Variants in NEGR1 observed in about 807,000 individuals in gnomAD.
The protein encoded by NEGR1 is IgLON family member 4.
NEGR1 carries 10 observed loss-of-function variants against 40.9 expected under a neutral mutation model. That is an observed-to-expected ratio of 0.24 (90% CI 0.15 to 0.42). The LOEUF (loss-of-function observed/expected upper bound fraction) is 0.42. Among genes scored for constraint, NEGR1 ranks in the 10% least tolerant of loss-of-function variants. The probability of loss-of-function intolerance (pLI) is 1.00; values close to 1 mark genes in which losing one functional copy is unlikely to be tolerated. For synonymous variants in NEGR1, 185 were observed against 166.8 expected (o/e 1.11, Z -0.84); for missense variants, 352 against 438.9 (o/e 0.80, Z 1.77).
At chr1:71,581,464 T>A (rs1030064167) in intron 6 of NEGR1, among the ~76,000 whole-genome samples, 3 of 152,120 alleles carry the variant, frequency 2.0e-5, no homozygotes, top group Non-Finnish European at 4.4e-5. Flanking sequence ...ATCTAACTCA[T>A]TACCACAAAA....
chr1:71,676,608 C>T (rs2101605758), intron 4 of NEGR1, among the ~76,000 whole-genome samples: 1 of 152,274 alleles, frequency 6.6e-6, no homozygotes, highest in South Asian at 2.1e-4. Context: ...TAAAAATTTT[C>T]TAAGCAGATA....
At chr1:72,086,052 C>T (rs1279318365) in intron 1 of NEGR1, among the ~76,000 whole-genome samples, 1 of 150,948 alleles carries the variant, frequency 6.6e-6, no homozygotes, top group Non-Finnish European at 1.5e-5. Context: ...TGAAAGCTTA[C>T]TAGAGCAAAA....
Position 72,282,423 on chromosome 1 carries a change from C to G in NEGR1, c.72G>C (p.Leu24=). Residue 24 remains leucine (L), a synonymous_variant, in exon 1 of 7, where the codon CTG becomes CTC. Transcript: ENST00000357731. ...GGAGGCAGGAGGGTAGCAGGCAGCA[C>G]AGGCTGAGGAGCACCGCCGCCAGCC... ...NQWLAAVLLS[L]CCLLPSCLPA... 6.2e-7 allele frequency: 1 copy of G among 1,613,786 alleles called. No homozygotes were observed. Among genetic ancestry groups the G allele is most frequent in the Non-Finnish European group, 8.5e-7 (1 of 1,179,962 alleles).
chr1:72,209,471 T>C (rs1406767690), intron 1 of NEGR1, among the ~76,000 whole-genome samples: 2 of 151,622 alleles, frequency 1.3e-5, no homozygotes, highest in East Asian at 1.9e-4. Flanking sequence ...TAAAATTATG[T>C]CCCATATCAT....
At chr1:71,708,593 A>T (rs1197400428) in intron 3 of NEGR1, among the ~76,000 whole-genome samples, 2 of 138,260 alleles carry the variant, frequency 1.4e-5, no homozygotes, top group Non-Finnish European at 3.2e-5. Flanking sequence ...ATTATATTAC[A>T]GAGTTTTTAT....
At chr1:72,279,391 G>C (rs1451834410) in intron 1 of NEGR1, among the ~76,000 whole-genome samples, 1 of 152,064 alleles carries the variant, frequency 6.6e-6, no homozygotes, top group Non-Finnish European at 1.5e-5. Flanking sequence ...TGCACTTTAT[G>C]GCCTTTAGCA....
At chr1:71,609,114 T>TA (rs2101540011) in intron 5 of NEGR1, among the ~76,000 whole-genome samples, 1 of 152,108 alleles carries the variant, frequency 6.6e-6, no homozygotes, top group South Asian at 2.1e-4. Flanking sequence ...TCAGAATTAG[T>TA]AAAAACATAT....
At chr1:71,421,680 T>C (rs1646396007) in intron 6 of NEGR1, among the ~76,000 whole-genome samples, 1 of 152,038 alleles carries the variant, frequency 6.6e-6, no homozygotes, top group African/African-American at 2.4e-5. Flanking sequence ...CAAAAAAAAA[T>C]TCTAAAATTC....
At chr1:72,280,532 T>C (rs1656207281) in intron 1 of NEGR1, among the ~76,000 whole-genome samples, 1 of 152,144 alleles carries the variant, frequency 6.6e-6, no homozygotes, top group African/African-American at 2.4e-5. Flanking sequence ...AAAGAGAAAA[T>C]ACAGGCTTAA....
intron 1 of NEGR1, among the ~76,000 whole-genome samples, chr1:71,943,264 A>T (rs1645988514): frequency 6.7e-6 from 1 of 150,124 alleles, no homozygotes; most frequent in African/African-American, 2.4e-5. Context: ...ATACACATGT[A>T]TCATACACAT....
At chr1:71,424,941 C>T (rs747123810) in intron 6 of NEGR1, among the ~76,000 whole-genome samples, 4 of 152,164 alleles carry the variant, frequency 2.6e-5, no homozygotes, top group Admixed American at 2.0e-4. Flanking sequence ...TCATATTGCA[C>T]TTCAGACTTA....
At chr1:71,412,973 T>C (rs1394760500) in intron 6 of NEGR1, among the ~76,000 whole-genome samples, 1 of 152,208 alleles carries the variant, frequency 6.6e-6, no homozygotes, top group East Asian at 1.9e-4. Context: ...TCATTCTTTC[T>C]AGTTCTTAGT....
chr1:71,944,041 C>G (rs1645996268), intron 1 of NEGR1, among the ~76,000 whole-genome samples: 1 of 152,150 alleles, frequency 6.6e-6, no homozygotes, highest in African/African-American at 2.4e-5. Context: ...TTTGTCATCT[C>G]TACTTTTTAA....
intron 1 of NEGR1, among the ~76,000 whole-genome samples, chr1:72,168,989 T>G (rs1006683969): frequency 2.6e-5 from 4 of 152,048 alleles, no homozygotes; most frequent in Non-Finnish European, 5.9e-5. Flanking sequence ...TTTGGAAACT[T>G]TATCAAATGC....
At chr1:71,419,137 C>T (rs1646376141) in intron 6 of NEGR1, among the ~76,000 whole-genome samples, 1 of 152,264 alleles carries the variant, frequency 6.6e-6, no homozygotes, top group South Asian at 2.1e-4. Flanking sequence ...CTGGCTTTCC[C>T]TTCTTCCCTA....
At chr1:71,715,922 TG>T (rs1654256573) in intron 3 of NEGR1, among the ~76,000 whole-genome samples, 1 of 152,202 alleles carries the variant, frequency 6.6e-6, no homozygotes, top group Non-Finnish European at 1.5e-5. Context: ...TTCACATTTT[TG>T]GGTAACTTTA....
intron 2 of NEGR1, among the ~76,000 whole-genome samples, chr1:71,867,203 A>C (rs1037727479): frequency 2.0e-5 from 3 of 152,066 alleles, no homozygotes; most frequent in Admixed American, 6.6e-5. Context: ...GTGAAACTCT[A>C]TCTCTACTAA....
intron 4 of NEGR1, among the ~76,000 whole-genome samples, chr1:71,689,040 C>T (rs949234138): frequency 2.0e-5 from 3 of 152,266 alleles, no homozygotes; most frequent in Admixed American, 6.5e-5. Context: ...CACTCCATTG[C>T]ATAAACAGAA....
At chr1:71,522,496 C>A (rs750110265) in intron 6 of NEGR1, among the ~76,000 whole-genome samples, 1 of 150,514 alleles carries the variant, frequency 6.6e-6, no homozygotes, top group African/African-American at 2.5e-5. Flanking sequence ...AGAGTGGTAG[C>A]GAAAGAGGTA....
Sources: gnomAD v4.1 joint callset for allele counts (sites outside exome capture counted in the v4.1 genomes callset) on GRCh38, gnomAD v4.1.1 for gene constraint, MANE v1.5 for transcripts, NCBI Gene and HGNC (gene_info 2026-07-23, HGNC 2026-07-21) for gene names.